The following CNGB1 variants were observed in gnomAD, a reference collection of about 807,000 sequenced individuals.
CNGB1 encodes cyclic nucleotide gated channel subunit beta 1.
A neutral mutation model predicts 151.7 loss-of-function variants in CNGB1; 126 were observed. That is an observed-to-expected ratio of 0.83 (90% CI 0.72 to 0.96). CNGB1 has a LOEUF of 0.96. CNGB1 is among the 40% of genes least tolerant of loss of function. The pLI is 0.00. For missense variants in CNGB1, 1,698 were observed against 1,627.0 expected, an observed-to-expected ratio of 1.04 and a Z score of -0.75; for synonymous variants, 623 against 635.1, an observed-to-expected ratio of 0.98 and a Z score of 0.29.
intron 17 of CNGB1, among the ~76,000 whole-genome samples, chr16:57,926,007 G>A (rs1961176464): frequency 6.6e-6 from 1 of 152,128 alleles, no homozygotes; most frequent in African/African-American, 2.4e-5. Context: ...TTTTACCAGG[G>A]CCTTCATTTC....
intron 26 of CNGB1, among the ~76,000 whole-genome samples, chr16:57,904,261 T>C (rs1960476007): frequency 6.6e-6 from 1 of 152,132 alleles, no homozygotes; most frequent in Non-Finnish European, 1.5e-5. Flanking sequence ...CTCCTTGGGC[T>C]GGGCTGATTC....
rs201075437 is a variant in CNGB1, at chr16:57,911,874, C to A, written c.2371G>T (p.Val791Phe). 1.5e-5 allele frequency: 25 copies of A among 1,613,314 alleles called. No individual in the cohort carries two copies. Among genetic ancestry groups the A allele is most frequent in the African/African-American group, 1.1e-4 (8 of 74,890 alleles). ...SILSKAYVYR[V>F]IRTTAYLLYS... ...AGAAGGTAGGCTGTGGTCCTGATGA[C>A]CCTGCAGAAGGAACACAGCGCATGA... Residue 791 changes from valine (V) to phenylalanine (F), a missense_variant and splice_region_variant, in exon 25 of 33, where the codon GTC (valine) becomes TTC (phenylalanine). By Grantham distance (50) the Val-to-Phe change is conservative. Transcript: ENST00000251102.
chr16:57,886,433 C>T (rs1445321265), intron 32 of CNGB1, among the ~76,000 whole-genome samples: 1 of 152,216 alleles, frequency 6.6e-6, no homozygotes, highest in Non-Finnish European at 1.5e-5. Flanking sequence ...CTTGCCAGCT[C>T]CACCTTGACC....
intron 11 of CNGB1, 58 bp from the exon 12 acceptor site, chr16:57,957,435 G>A (rs372007306): frequency 4.7e-5 from 71 of 1,500,860 alleles, no homozygotes; most frequent in African/African-American, 4.5e-4. Context: ...CAGCCTCCCC[G>A]TTTCAGCCAC....
At position 57,966,449 on chromosome 16, in the gene CNGB1, T is replaced by C. The variant is rs113275233; in HGVS notation, c.159+679A>G. Among the ~76,000 whole-genome samples the C allele has an allele frequency of 6.5e-3, 983 of 152,370 alleles. 11 individuals are homozygous for C. The highest frequency in any genetic ancestry group is 0.023 in the African/African-American group (949 of 41,590). ...GAATGGATGGGTTGCAGAGGAAAAG[T>C]TCTGGAGAAATACTCCACAGTGTGG... On this transcript the variant is annotated intron_variant, in intron 2 of 32. Transcript: ENST00000251102.
chr16:57,890,412 C>T (rs1960055089), intron 31 of CNGB1, among the ~76,000 whole-genome samples: 1 of 152,220 alleles, frequency 6.6e-6, no homozygotes, highest in South Asian at 2.1e-4. Flanking sequence ...TGACAGCCCA[C>T]AGGAAGGCTG....
intron 16 of CNGB1, among the ~76,000 whole-genome samples, chr16:57,933,334 G>C (rs1486258611): frequency 6.6e-6 from 1 of 152,184 alleles, no homozygotes; most frequent in African/African-American, 2.4e-5. Flanking sequence ...ATAACTGCTT[G>C]GTTATGTCCT....
At chr16:57,957,317 G>C (rs1962114300) in intron 12 of CNGB1, 24 bp downstream of exon 12, 2 of 1,610,324 alleles carry the variant, frequency 1.2e-6, no homozygotes, top group South Asian at 1.1e-5. Flanking sequence ...TATGTACATG[G>C]GGACTCAGTA....
chr16:57,965,676 A>C (rs1962376560), intron 2 of CNGB1, among the ~76,000 whole-genome samples: 1 of 108,450 alleles, frequency 9.2e-6, no homozygotes, highest in Non-Finnish European at 2.2e-5. Flanking sequence ...ACAGATGCAC[A>C]AACATGCAGA....
intron 16 of CNGB1, among the ~76,000 whole-genome samples, chr16:57,933,430 C>G (rs988545863): frequency 5.3e-5 from 8 of 152,206 alleles, no homozygotes; most frequent in Non-Finnish European, 7.3e-5. Flanking sequence ...GTCCCACATT[C>G]TGAGAATCAG....
chr16:57,960,227 G>A (rs192828611), intron 9 of CNGB1, among the ~76,000 whole-genome samples, 162 bp from the exon 10 acceptor site: 1 of 152,320 alleles, frequency 6.6e-6, no homozygotes, highest in East Asian at 1.9e-4. Flanking sequence ...AGACAGACAA[G>A]GGAACTGAGA....
Position 57,908,717 on chromosome 16 carries a change from C to T in CNGB1, c.2492+3036G>A, listed in dbSNP as rs982039468. Among the ~76,000 whole-genome samples the T allele has an allele frequency of 2.0e-5, 3 of 152,316 alleles. No homozygotes were observed. In the South Asian group the frequency reaches 6.2e-4, roughly 32 times the overall value. On this transcript the variant is annotated intron_variant, in intron 25 of 32. Coordinates refer to ENST00000251102, the MANE Select transcript of CNGB1 (RefSeq NM_001297.5). ...ACTCCTCATCCCTCGTCCCTCAAGCCTCCGCTCTGACTCTGCAGGCCCAGC... is the reference window on the plus strand; with the variant it reads ...ACTCCTCATCCCTCGTCCCTCAAGCTTCCGCTCTGACTCTGCAGGCCCAGC...
chr16:57,928,961 C>G (rs1854860093), intron 17 of CNGB1, among the ~76,000 whole-genome samples: 1 of 152,192 alleles, frequency 6.6e-6, no homozygotes, highest in Non-Finnish European at 1.5e-5. Flanking sequence ...TCTAATAATA[C>G]AATGGGTAGA....
rs760183677 is a variant in CNGB1, at chr16:57,949,131, T to TG, written c.1121+221dup. On this transcript the variant is annotated intron_variant, in intron 14 of 32. Transcript: ENST00000251102. ...CTCTTGGAGGCTGCATTCTAGTGTG[T>TG]GTGGGGGGGGATGTGGAGTGGTGGG... 7.6e-3 allele frequency among the ~76,000 whole-genome samples: 1,123 copies of TG among 147,032 alleles called. 12 individuals are homozygous for TG. The highest frequency in any genetic ancestry group is 0.025 in the Middle Eastern group (7 of 280).
intron 23 of CNGB1, 84 bp from the exon 24 acceptor site, chr16:57,913,078 G>A: frequency 7.9e-7 from 1 of 1,270,270 alleles, no homozygotes; most frequent in Admixed American, 1.7e-5. Context: ...GAGACTCAGG[G>A]CTCTTCCTGC....
At chr16:57,945,113 A>G (rs1055751381) in intron 14 of CNGB1, among the ~76,000 whole-genome samples, 8 of 152,130 alleles carry the variant, frequency 5.3e-5, no homozygotes, top group African/African-American at 1.9e-4. Context: ...TTCGATGGCC[A>G]ATCCACGGTC....
chr16:57,920,520 C>T lies in CNGB1; in HGVS notation c.1668G>A (p.Thr556=), dbSNP rs200720590. 296 of 1,613,648 alleles carry T rather than the reference C, an allele frequency of 1.8e-4. 2 individuals carry two copies. The Middle Eastern group carries it at 2.8e-3, about 15-fold the overall frequency. ...TGATGATGGCGCTATTTGTGCTGGC[C>T]GTGGAGGCCGCACGGTCCTGGCCAC... The part of the protein sequence containing the change: ...DTDGQDRAAS[T]ASTNSAIIND... The change falls in exon 19 of 33, where the codon ACG becomes ACA. Residue 556 remains threonine, a synonymous_variant. Coordinates refer to ENST00000251102, the MANE Select transcript of CNGB1 (RefSeq NM_001297.5).
intron 25 of CNGB1, among the ~76,000 whole-genome samples, chr16:57,906,480 G>A (rs532616959): frequency 2.0e-5 from 3 of 152,216 alleles, no homozygotes; most frequent in Non-Finnish European, 4.4e-5. Flanking sequence ...AGAGGTTGCT[G>A]GGGAGTGTGG....
At chr16:57,928,459 G>C (rs561412597) in intron 17 of CNGB1, among the ~76,000 whole-genome samples, 4 of 152,166 alleles carry the variant, frequency 2.6e-5, no homozygotes, top group Non-Finnish European at 5.9e-5. Context: ...TATGGAAAAG[G>C]GTTCATGGAA....
Sources: allele counts gnomAD v4.1 joint callset (sites outside exome capture counted in the v4.1 genomes callset), GRCh38; gene constraint gnomAD v4.1.1; transcripts MANE v1.5; gene names NCBI Gene and HGNC (gene_info 2026-07-23, HGNC 2026-07-21).